The following DNASE1L3 variants were observed in gnomAD, a reference collection of about 807,000 sequenced individuals.
DNASE1L3 encodes the protein deoxyribonuclease 1L3.
In DNASE1L3, 27 loss-of-function variants were observed where a neutral mutation model predicts 30.9. That is an observed-to-expected ratio of 0.87 (90% CI 0.64 to 1.20). The LOEUF (loss-of-function observed/expected upper bound fraction) is 1.20, where lower values mean the gene tolerates loss of function less well. DNASE1L3 is among the 50% of genes most tolerant of loss of function. DNASE1L3 has a pLI of 0.00. For synonymous variants in DNASE1L3, 135 were observed against 138.0 expected (o/e 0.98, Z 0.15); for missense variants, 364 against 378.2 (o/e 0.96, Z 0.31).
At position 58,210,908 on chromosome 3, in the gene DNASE1L3, C is replaced by T. The variant is rs1290502200; in HGVS notation, c.-2G>A. The T allele has an allele frequency of 1.2e-6, 2 of 1,613,480 alleles. No individual in the cohort carries two copies. The highest frequency in any genetic ancestry group is 4.5e-5 in the East Asian group (2 of 44,894). ...CAGTGGGGCCAGCTCCCGTGACATCCTGGCGCTGCTCTGGCTTCAAGACTC... is the reference window on the plus strand; with the variant it reads ...CAGTGGGGCCAGCTCCCGTGACATCTTGGCGCTGCTCTGGCTTCAAGACTC... On this transcript the variant is annotated 5_prime_UTR_variant, in exon 1 of 8. Transcript: ENST00000394549.
At chr3:58,195,378 G>A (rs1267989204) in intron 6 of DNASE1L3, among the ~76,000 whole-genome samples, 8 of 151,940 alleles carry the variant, frequency 5.3e-5, no homozygotes, top group African/African-American at 7.3e-5. Flanking sequence ...TTGCTCTAAA[G>A]CCTTGAACTC....
chr3:58,193,953 G>A (rs371807268), intron 6 of DNASE1L3, among the ~76,000 whole-genome samples: 3 of 152,062 alleles, frequency 2.0e-5, no homozygotes, highest in Non-Finnish European at 2.9e-5. Flanking sequence ...TAATTTTTAC[G>A]TTACCTTCAA....
In DNASE1L3 at chr3:58,201,047, CG is replaced by C. The variant is rs1262446616; in HGVS notation, c.495del (p.Ile165MetfsTer11). On this transcript the variant is annotated frameshift_variant, in exon 5 of 8. Coordinates refer to ENST00000394549, the MANE Select transcript of DNASE1L3 (RefSeq NM_004944.4). LOFTEE classifies it high-confidence loss of function. Reference protein sequence around the residue: ...HTTPETSVKEIDELVEVYTDV... With the variant: ...HTTPETSVKEXDELVEVYTDV... ...TCCGTGTAGACCTCAACCAACTCAT[CG>C]ATCTCCTTAACGGATGTCTCTGGGG... The C allele has an allele frequency of 6.8e-6, 11 of 1,613,096 alleles. No homozygotes were observed. The highest frequency in any genetic ancestry group is 9.3e-6 in the Non-Finnish European group (11 of 1,179,518).
chr3:58,193,666 C>A (rs759015514), intron 6 of DNASE1L3, among the ~76,000 whole-genome samples: 1 of 152,250 alleles, frequency 6.6e-6, no homozygotes, highest in African/African-American at 2.4e-5. Flanking sequence ...CACTGTCTCC[C>A]AGTGTGGGCA....
chr3:58,205,153 G>C (rs1426366933), intron 3 of DNASE1L3, among the ~76,000 whole-genome samples: 1 of 152,230 alleles, frequency 6.6e-6, no homozygotes, highest in Non-Finnish European at 1.5e-5. Flanking sequence ...AAGAGGAAAA[G>C]AATACGAAGT....
intron 2 of DNASE1L3, among the ~76,000 whole-genome samples, chr3:58,206,399 T>A (rs1312880886): frequency 1.3e-5 from 2 of 152,212 alleles, no homozygotes; most frequent in Non-Finnish European, 2.9e-5. Flanking sequence ...TGCAGTATGC[T>A]AAGGCAGACT....
rs1163826167 is a variant in DNASE1L3, at chr3:58,197,509, G to A, written c.704+312C>T. 6.6e-6 allele frequency among the ~76,000 whole-genome samples: 1 copy of A among 152,168 alleles called. No individual in the cohort carries two copies. The highest frequency in any genetic ancestry group is 1.5e-5 in the Non-Finnish European group (1 of 68,018). On this transcript the variant is annotated intron_variant, in intron 6 of 7. Coordinates refer to ENST00000394549, the MANE Select transcript of DNASE1L3 (RefSeq NM_004944.4). The surrounding 1 kb of genome is among the most constrained non-coding windows in gnomAD (Gnocchi z 5.3). The stretch of plus-strand genomic sequence containing the variant: ...ACTCTGTTACCCAGGCTGGAGTGCA[G>A]TGGTGCGATCCTGGCTCACTGCAGC...
At position 58,208,324 on chromosome 3, in the gene DNASE1L3, C is replaced by A. The variant is rs3732631; in HGVS notation, c.142-18G>T. On this transcript the variant is annotated intron_variant, in intron 1 of 7. Coordinates refer to ENST00000394549, the MANE Select transcript of DNASE1L3 (RefSeq NM_004944.4). ...TTGATGACCTGCAAGAAAGAGAATT[C>A]CCAGGGGTTTGAGGTCATTTACCAC... The A allele has an allele frequency of 0.33, 527,126 of 1,613,204 alleles. 88,136 individuals are homozygous for A. The highest frequency in any genetic ancestry group is 0.39 in the East Asian group (17,302 of 44,866).
At chr3:58,203,831 T>C (rs1351988875) in intron 4 of DNASE1L3, among the ~76,000 whole-genome samples, 1 of 151,932 alleles carries the variant, frequency 6.6e-6, no homozygotes, top group Admixed American at 6.5e-5. Flanking sequence ...GAACATGAGC[T>C]CCTGAGGTGG....
intron 6 of DNASE1L3, among the ~76,000 whole-genome samples, chr3:58,194,413 G>A (rs980806820): frequency 2.2e-4 from 31 of 141,180 alleles, no homozygotes; most frequent in African/African-American, 8.0e-4. Flanking sequence ...TCCACCTTCC[G>A]GGTTGAAGCG....
chr3:58,204,132 T>G (rs1018806293), intron 4 of DNASE1L3, among the ~76,000 whole-genome samples: 1 of 143,490 alleles, frequency 7.0e-6, no homozygotes, highest in Non-Finnish European at 1.5e-5. Flanking sequence ...ACCTAAGCCA[T>G]TGCTTAGGAT....
intron 2 of DNASE1L3, 120 bp from the exon 3 acceptor site, chr3:58,205,680 C>A: frequency 1.3e-6 from 1 of 790,396 alleles, no homozygotes; most frequent in Non-Finnish European, 2.1e-6. Context: ...GGCCACTGTT[C>A]ATCATAACCT....
chr3:58,195,589 G>A (rs1019223806), intron 6 of DNASE1L3, among the ~76,000 whole-genome samples: 9 of 110,466 alleles, frequency 8.1e-5, no homozygotes, highest in African/African-American at 2.5e-4. Context: ...CCAACATGGC[G>A]AAACCCCATC....
intron 1 of DNASE1L3, among the ~76,000 whole-genome samples, chr3:58,208,588 C>T (rs964942706): frequency 7.2e-5 from 11 of 152,122 alleles, no homozygotes; most frequent in Admixed American, 7.2e-4. Context: ...AAGCCCAGAG[C>T]CCCTTGCTCA....
intron 7 of DNASE1L3, 35 bp downstream of exon 7, chr3:58,193,308 G>A (rs778089234): frequency 3.7e-6 from 6 of 1,606,390 alleles, no homozygotes; most frequent in Non-Finnish European, 5.1e-6. Flanking sequence ...ATCTTTCCAG[G>A]ACAATGGCAT....
Position 58,202,477 on chromosome 3 carries a change from G to A in DNASE1L3, c.434-1368C>T, listed in dbSNP as rs189809895. On this transcript the variant is annotated intron_variant, in intron 4 of 7. Transcript: ENST00000394549. ...CACACCCAGCTGGGAGTTACAAAAA[G>A]AGTATAAACTGACCCATCTCAGCCT... Among the ~76,000 whole-genome samples the A allele has an allele frequency of 4.5e-4, 68 of 151,038 alleles. No individual in the cohort carries two copies. In the East Asian group the frequency reaches 0.013, roughly 28 times the overall value.
Position 58,210,855 on chromosome 3 carries a change from C to T in DNASE1L3, c.52G>A (p.Ala18Thr), listed in dbSNP as rs773990318. ...LLLLLLSIHS[A>T]LAMRICSFNV... ...AAGGAGCAGATCCTCATGGCCAGGG[C>T]GCTGTGGATGGAGAGGAGGAGAAGC... The change falls in exon 1 of 8, where the codon GCC becomes ACC. Residue 18 changes from alanine (A) to threonine (T), a missense_variant. Transcript: ENST00000394549. The T allele has an allele frequency of 3.6e-5, 58 of 1,613,968 alleles. No individual in the cohort carries two copies. The highest frequency in any genetic ancestry group is 2.4e-4 in the South Asian group (22 of 91,084).
At chr3:58,201,755 G>A (rs1286944669) in intron 4 of DNASE1L3, among the ~76,000 whole-genome samples, 1 of 152,230 alleles carries the variant, frequency 6.6e-6, no homozygotes, top group African/African-American at 2.4e-5. Context: ...AGCCAATAGA[G>A]AGACAGGACA....
In DNASE1L3 at chr3:58,192,389, G is replaced by A. The variant is rs561393492; in HGVS notation, c.*298C>T. 8.4e-4 allele frequency: 177 copies of A among 209,620 alleles called. No homozygotes were observed. The highest frequency in any genetic ancestry group is 3.9e-3 in the African/African-American group (166 of 42,938). 13.0% of individuals were successfully genotyped at this position (209,620 alleles called of 1,614,324 possible). A position where few individuals can be genotyped will look rare whatever the true frequency, so the allele number is the denominator to read the frequency against. ...GCTCTTCCTCCCCCTGCAGCCTCTC[G>A]CATGACAGGGTTGAGCAGGGCCAGT... is the stretch of plus-strand genomic sequence containing the variant. On this transcript the variant is annotated 3_prime_UTR_variant, in exon 8 of 8. Coordinates refer to ENST00000394549, the MANE Select transcript of DNASE1L3 (RefSeq NM_004944.4). The surrounding 1 kb of genome is among the most constrained non-coding windows in gnomAD (Gnocchi z 4.8).
Sources: gnomAD v4.1 joint callset for allele counts (sites outside exome capture counted in the v4.1 genomes callset) on GRCh38, gnomAD v4.1.1 for gene constraint, Gnocchi (gnomAD v3.1) non-coding constraint, MANE v1.5 for transcripts, NCBI Gene and HGNC (gene_info 2026-07-23, HGNC 2026-07-21) for gene names.